Variants in PITPNB observed in about 807,000 individuals in gnomAD.
PITPNB encodes the protein phosphatidylinositol transfer protein beta.
PITPNB carries 16 observed loss-of-function variants against 45.9 expected under a neutral mutation model. The ratio of observed to expected loss-of-function variants is 0.35; its 90% confidence interval spans 0.24 to 0.53. The LOEUF is 0.53. PITPNB is among the 20% of genes least tolerant of loss of function. The pLI is 0.93. For missense variants in PITPNB, 188 were observed against 330.5 expected, an observed-to-expected ratio of 0.57 and a Z score of 3.34; for synonymous variants, 112 against 108.9, an observed-to-expected ratio of 1.03 and a Z score of -0.18.
chr22:27,901,746 T>C (rs897910137), intron 3 of PITPNB, among the ~76,000 whole-genome samples: 3 of 152,034 alleles, frequency 2.0e-5, no homozygotes, highest in African/African-American at 4.8e-5. Context: ...TAGCTGGACA[T>C]GGTGGCGGGT....
At chr22:27,872,426 G>T (rs113845702) in intron 8 of PITPNB, among the ~76,000 whole-genome samples, 1 of 151,878 alleles carries the variant, frequency 6.6e-6, no homozygotes, top group African/African-American at 2.4e-5. Context: ...CCATTCTCAG[G>T]TTCTTTGTAA....
At chr22:27,891,699 G>A (rs1238364968) in intron 7 of PITPNB, among the ~76,000 whole-genome samples, 3 of 152,102 alleles carry the variant, frequency 2.0e-5, no homozygotes, top group Middle Eastern at 3.4e-3. Flanking sequence ...CTCTCCTGCC[G>A]CCATGTAAAA....
chr22:27,870,498 C>T (rs1335475564), intron 8 of PITPNB, among the ~76,000 whole-genome samples: 12 of 152,142 alleles, frequency 7.9e-5, no homozygotes, highest in African/African-American at 1.2e-4. Context: ...TCACAGAGGC[C>T]TTTTGAGAGA....
At chr22:27,873,298 C>T (rs557688497) in intron 8 of PITPNB, among the ~76,000 whole-genome samples, 1 of 152,088 alleles carries the variant, frequency 6.6e-6, no homozygotes, top group East Asian at 1.9e-4. Flanking sequence ...AACTGCTTGC[C>T]ACAAAAATTG....
chr22:27,894,673 C>T (rs1262087088), intron 6 of PITPNB, 35 bp from the exon 7 acceptor site: 2 of 1,208,810 alleles, frequency 1.7e-6, no homozygotes, highest in South Asian at 2.4e-5. Flanking sequence ...ACAAAACAAA[C>T]TGTAGATTAT....
At chr22:27,875,465 GA>G (rs1934795531) in intron 7 of PITPNB, among the ~76,000 whole-genome samples, 1 of 152,170 alleles carries the variant, frequency 6.6e-6, no homozygotes. Flanking sequence ...TCCTAAAAAT[GA>G]ATAACTCCAC....
chr22:27,906,984 T>G (rs555442012), intron 3 of PITPNB, among the ~76,000 whole-genome samples: 1 of 152,300 alleles, frequency 6.6e-6, no homozygotes, highest in African/African-American at 2.4e-5. Context: ...ATCCAGAGAC[T>G]TGAGTTATAC....
chr22:27,867,487 G>A lies in PITPNB; in HGVS notation c.534+6251C>T, dbSNP rs74467157. On this transcript the variant is annotated intron_variant, in intron 8 of 11. Transcript: ENST00000335272. Reference sequence around the variant, plus strand: ...CTAATTTCACAAAAAGGCGAAATAAGATCCAGACAGGAAAGCTTACTGCCT... The same window carrying A: ...CTAATTTCACAAAAAGGCGAAATAAAATCCAGACAGGAAAGCTTACTGCCT... Among the ~76,000 whole-genome samples, 522 of 152,300 alleles carry A rather than the reference G, an allele frequency of 3.4e-3. 19 individuals carry two copies. The East Asian group carries it at 0.076, about 22-fold the overall frequency.
At chr22:27,902,214 G>A (rs73880349) in intron 3 of PITPNB, among the ~76,000 whole-genome samples, 3,079 of 152,112 alleles carry the variant, frequency 0.02, 101 homozygotes, top group African/African-American at 0.071. Context: ...CCAAGGGTAC[G>A]GAGGCAGGGA....
intron 7 of PITPNB, among the ~76,000 whole-genome samples, chr22:27,889,488 T>C (rs1601407662): frequency 1.3e-5 from 2 of 152,304 alleles, no homozygotes; most frequent in South Asian, 4.1e-4. Context: ...GTATAATGTG[T>C]CAGAGCAACG....
intron 3 of PITPNB, among the ~76,000 whole-genome samples, chr22:27,900,221 AAAAAG>A (rs1434697943): frequency 6.6e-6 from 1 of 151,924 alleles, no homozygotes; most frequent in African/African-American, 2.4e-5. Flanking sequence ...ATAAAAAAAA[AAAAAG>A]AAAGAAAAAA....
In PITPNB at chr22:27,854,900, C is replaced by T; in HGVS notation, c.808G>A (p.Asp270Asn). The change falls in exon 11 of 12, where the codon GAT (aspartate) becomes AAT (asparagine). Residue 270 changes from aspartate to asparagine, a missense_variant. Physicochemically the swap from Asp to Asn is conservative, Grantham distance 23 (BLOSUM62 1). Coordinates refer to ENST00000335272, the MANE Select transcript of PITPNB (RefSeq NM_012399.5). ...RGSVRGTSAA[D>N]V ...CCCTACAGGGGACTCATCTAGACAT[C>T]AGCAGCCGACGTGCCTCGAACGGAA... 1.2e-6 allele frequency: 2 copies of T among 1,613,842 alleles called. No homozygotes were observed. Among genetic ancestry groups the T allele is most frequent in the Non-Finnish European group, 8.5e-7 (1 of 1,179,726 alleles).
chr22:27,863,160 A>C (rs1601380233), intron 8 of PITPNB, among the ~76,000 whole-genome samples: 1 of 152,306 alleles, frequency 6.6e-6, no homozygotes, highest in East Asian at 1.9e-4. Context: ...TATAGCTGCC[A>C]AACAGTAGCA....
chr22:27,885,276 C>T (rs1159239303), intron 7 of PITPNB, among the ~76,000 whole-genome samples: 1 of 116,862 alleles, frequency 8.6e-6, no homozygotes, highest in Non-Finnish European at 1.7e-5. Context: ...TCAACTGACT[C>T]ATTTGTGTAT....
At position 27,854,864 on chromosome 22, in the gene PITPNB, A is replaced by G. The variant is rs1934126518; in HGVS notation, c.*28T>C. On this transcript the variant is annotated 3_prime_UTR_variant, in exon 11 of 12. Coordinates refer to ENST00000335272, the MANE Select transcript of PITPNB (RefSeq NM_012399.5). ...CAGGTCTTCACTTACACAGTTTGAC[A>G]TTGTCTCTGACCCTACAGGGGACTC... 3.1e-6 allele frequency: 5 copies of G among 1,608,962 alleles called. No homozygotes were observed. The highest frequency in any genetic ancestry group is 4.5e-5 in the East Asian group (2 of 44,846).
At chr22:27,865,088 A>G (rs1024508197) in intron 8 of PITPNB, among the ~76,000 whole-genome samples, 2 of 152,230 alleles carry the variant, frequency 1.3e-5, no homozygotes, top group Non-Finnish European at 2.9e-5. Flanking sequence ...AAATATACCA[A>G]ATAATAGTAA....
At chr22:27,872,081 G>GTTTTT (rs58288724) in intron 8 of PITPNB, among the ~76,000 whole-genome samples, 25 of 64,430 alleles carry the variant, frequency 3.9e-4, no homozygotes, top group Non-Finnish European at 5.3e-4. Context: ...ATTAAGCCTG[G>GTTTTT]TTTTTTTTTT....
At chr22:27,918,700 C>T (rs551720570) in intron 1 of PITPNB, among the ~76,000 whole-genome samples, 309 of 152,364 alleles carry the variant, frequency 2.0e-3, no homozygotes, top group African/African-American at 7.0e-3. Flanking sequence ...AGTCCTGACA[C>T]GAGGGCTGCC....
intron 7 of PITPNB, among the ~76,000 whole-genome samples, chr22:27,874,860 G>C (rs947932868): frequency 6.6e-6 from 1 of 152,172 alleles, no homozygotes; most frequent in African/African-American, 2.4e-5. Context: ...CCCATACTTA[G>C]TGAAAAATGC....
Sources: gnomAD v4.1 joint callset for allele counts (sites outside exome capture counted in the v4.1 genomes callset) on GRCh38, gnomAD v4.1.1 for gene constraint, MANE v1.5 for transcripts, NCBI Gene and HGNC (gene_info 2026-07-23, HGNC 2026-07-21) for gene names.